OSGEPL1: variants seen among roughly 807,000 people sequenced by gnomAD.
The protein encoded by OSGEPL1 is O-sialoglycoprotein endopeptidase like 1.
A neutral mutation model predicts 37.2 loss-of-function variants in OSGEPL1; 26 were observed. That is an observed-to-expected ratio of 0.70 (90% CI 0.51 to 0.97). OSGEPL1 has a LOEUF of 0.97. Ranked by LOEUF, OSGEPL1 falls within the 50% of genes least tolerant of loss-of-function variation. The pLI is 0.00. For synonymous variants in OSGEPL1, 140 were observed against 159.9 expected, an observed-to-expected ratio of 0.88 and a Z score of 0.94; for missense variants, 404 against 487.0, an observed-to-expected ratio of 0.83 and a Z score of 1.60.
Position 189,752,405 on chromosome 2 carries a change from G to GAA in OSGEPL1, c.1166+246_1166+247dup, listed in dbSNP as rs1245170635. On this transcript the variant is annotated intron_variant, in intron 7 of 8. Coordinates refer to ENST00000264151, the MANE Select transcript of OSGEPL1 (RefSeq NM_022353.3). ...GTTTACATTCTAGTTCCAAAGGAGG[G>GAA]AATTCATCACCCTTACTCATGACCT... is the stretch of plus-strand genomic sequence containing the variant. Among the ~76,000 whole-genome samples, 8 of 152,266 alleles carry GAA rather than the reference G, an allele frequency of 5.3e-5. 1 individual carries two copies. In the East Asian group the frequency reaches 1.5e-3, roughly 29 times the overall value.
In OSGEPL1 at chr2:189,752,911, T is replaced by C. The variant is rs1310327021; in HGVS notation, c.1032A>G (p.Thr344=). 6.2e-7 allele frequency: 1 copy of C among 1,613,764 alleles called. No individual in the cohort carries two copies. The highest frequency in any genetic ancestry group is 1.1e-5 in the South Asian group (1 of 91,056). The change falls in exon 6 of 9, where the codon ACA becomes ACG. Residue 344 remains threonine (T), a synonymous_variant. Coordinates refer to ENST00000264151, the MANE Select transcript of OSGEPL1 (RefSeq NM_022353.3). Reference sequence around the variant, plus strand: ...GAGGAGGACACAACAAAGTGCACTGTGTTGCATTTGTTAAAATTTCCAGAG... The same window carrying C: ...GAGGAGGACACAACAAAGTGCACTGCGTTGCATTTGTTAAAATTTCCAGAG... The part of the protein sequence containing the change: ...RRALEILTNA[T]QCTLLCPPPR...
chr2:189,750,820 C>T (rs1348764604), intron 7 of OSGEPL1, among the ~76,000 whole-genome samples, 164 bp from the exon 8 acceptor site: 3 of 152,038 alleles, frequency 2.0e-5, no homozygotes, highest in African/African-American at 7.2e-5. Flanking sequence ...GACCTCAAGT[C>T]AGGATAATGA....
rs377276256 is a variant in OSGEPL1, at chr2:189,755,579, G to A, written c.222-19C>T. ...ACCTGTTCTGAAAGAAAGAAAGACA[G>A]CATTTTGTAGTTTTAAGATTGTAAA... On this transcript the variant is annotated intron_variant, in intron 2 of 8. Transcript: ENST00000264151. 13 of 1,571,112 alleles carry A rather than the reference G, an allele frequency of 8.3e-6. No homozygotes were observed. In the African/African-American group the frequency reaches 1.4e-4, roughly 17 times the overall value.
intron 2 of OSGEPL1, among the ~76,000 whole-genome samples, chr2:189,760,530 C>T (rs762629133): frequency 1.3e-5 from 2 of 152,284 alleles, no homozygotes; most frequent in Admixed American, 6.5e-5. Context: ...CGGTGTCTCA[C>T]GCCTGTAATC....
Position 189,746,812 on chromosome 2 carries a change from C to A in OSGEPL1, c.*385G>T, listed in dbSNP as rs1574810647. The A allele has an allele frequency of 1.6e-6, 1 of 610,558 alleles. No individual in the cohort carries two copies. The highest frequency in any genetic ancestry group is 2.5e-6 in the Non-Finnish European group (1 of 401,470). 37.8% of individuals were successfully genotyped at this position (610,558 alleles called of 1,614,324 possible). ...TAGTGTCAGGTCAGAGTTATGGTTTCAAAAAATTAGGATTTCTGTAAACAA... is the reference window on the plus strand; with the variant it reads ...TAGTGTCAGGTCAGAGTTATGGTTTAAAAAAATTAGGATTTCTGTAAACAA... On this transcript the variant is annotated 3_prime_UTR_variant, in exon 9 of 9. Transcript: ENST00000264151.
chr2:189,762,770 C>T lies in OSGEPL1; in HGVS notation c.-106G>A, dbSNP rs945290599. 1.0e-6 allele frequency: 1 copy of T among 985,380 alleles called. No homozygotes were observed. Among genetic ancestry groups the T allele is most frequent in the Admixed American group, 6.1e-5 (1 of 16,264 alleles). 61.0% of individuals were successfully genotyped at this position (985,380 alleles called of 1,614,324 possible). A position where few individuals can be genotyped will look rare whatever the true frequency, so the allele number is the denominator to read the frequency against. On this transcript the variant is annotated 5_prime_UTR_variant, in exon 1 of 9. Transcript: ENST00000264151. ...GCCCTTATCGCTGCAGGAGAAAGCC[C>T]GAACCTGGCGCCCGGAAGTGATGTC...
At chr2:189,753,884 T>C in intron 5 of OSGEPL1, 32 bp downstream of exon 5, 1 of 1,607,048 alleles carries the variant, frequency 6.2e-7, no homozygotes. Context: ...TTGCAAAGTG[T>C]AACTATTACT....
chr2:189,753,770 G>A, intron 5 of OSGEPL1, 146 bp downstream of exon 5: 1 of 854,228 alleles, frequency 1.2e-6, no homozygotes, highest in Non-Finnish European at 1.7e-6. Flanking sequence ...ATGGCTGTTA[G>A]TCTTTCCTAT....
At chr2:189,755,147 G>A in intron 3 of OSGEPL1, 26 bp downstream of exon 3, 1 of 1,589,542 alleles carries the variant, frequency 6.3e-7, no homozygotes, top group Non-Finnish European at 8.5e-7. Context: ...TAACAAAAAA[G>A]AATGGAGAAA....
intron 2 of OSGEPL1, among the ~76,000 whole-genome samples, chr2:189,759,453 T>C (rs187234610): frequency 1.4e-3 from 209 of 152,306 alleles, no homozygotes; most frequent in Non-Finnish European, 2.4e-3. Context: ...GGTTTCACCA[T>C]GTTAGCCAGG....
Position 189,761,620 on chromosome 2 carries a change from A to C in OSGEPL1, c.21T>G (p.Thr7=). 6.2e-7 allele frequency: 1 copy of C among 1,602,278 alleles called. No individual in the cohort carries two copies. The highest frequency in any genetic ancestry group is 8.5e-7 in the Non-Finnish European group (1 of 1,175,846). The change falls in exon 2 of 9, where the codon ACT becomes ACG. Residue 7 remains threonine (T), a synonymous_variant. Transcript: ENST00000264151. The stretch of plus-strand genomic sequence containing the variant: ...TTGATGGTTTAAAAAAAACTCCTGC[A>C]GTCTTAGTCAAGATTAGCATACTTA... MLILTK[T]AGVFFKPSKR... is the part of the protein sequence containing the mutation.
At chr2:189,749,404 T>C (rs1256099814) in intron 8 of OSGEPL1, among the ~76,000 whole-genome samples, 2 of 151,422 alleles carry the variant, frequency 1.3e-5, no homozygotes, top group African/African-American at 4.9e-5. Flanking sequence ...ATGCTGTCTA[T>C]AAAAATCGAA....
At chr2:189,749,905 T>C (rs1407987150) in intron 8 of OSGEPL1, among the ~76,000 whole-genome samples, 1 of 152,138 alleles carries the variant, frequency 6.6e-6, no homozygotes, top group Non-Finnish European at 1.5e-5. Context: ...GCAGATTGCC[T>C]GAGCTCAGGA....
chr2:189,761,573 A>G lies in OSGEPL1; in HGVS notation c.68T>C (p.Leu23Ser), dbSNP rs969784723. The G allele has an allele frequency of 1.2e-6, 2 of 1,610,708 alleles. No homozygotes were observed. Among genetic ancestry groups the G allele is most frequent in the East Asian group, 2.2e-5 (1 of 44,766 alleles). ...TCCAGGATGAAAATTAAAACTTCTT[A>G]AAAATTCATAAACTTTCCTTTTTGA... ...KPSKRKVYEF[L>S]RSFNFHPGTL... Residue 23 changes from leucine (L) to serine (S), a missense_variant, in exon 2 of 9, where the codon TTA becomes TCA. Coordinates refer to ENST00000264151, the MANE Select transcript of OSGEPL1 (RefSeq NM_022353.3).
intron 7 of OSGEPL1, among the ~76,000 whole-genome samples, chr2:189,752,253 G>A (rs374601416): frequency 4.6e-5 from 7 of 152,286 alleles, no homozygotes; most frequent in African/African-American, 1.7e-4. Context: ...TCAACTGCCT[G>A]TGTAAGAGCA....
intron 1 of OSGEPL1, chr2:189,762,407 G>A (rs1028755348): frequency 6.3e-5 from 12 of 190,336 alleles, no homozygotes; most frequent in African/African-American, 2.6e-4. Context: ...GCATCCCAGG[G>A]ATTAGAGATG....
At chr2:189,752,762 A>C (rs1191365021) in intron 6 of OSGEPL1, 38 bp from the exon 7 acceptor site, 1 of 1,613,516 alleles carries the variant, frequency 6.2e-7, no homozygotes, top group Non-Finnish European at 8.5e-7. Context: ...AATAGCTCCA[A>C]GATCTGAAGG....
At chr2:189,761,754 T>G (rs2047091249) in intron 1 of OSGEPL1, 94 bp from the exon 2 acceptor site, 14 of 1,336,164 alleles carry the variant, frequency 1.0e-5, no homozygotes, top group Non-Finnish European at 1.4e-5. Flanking sequence ...CAGGAAAGTT[T>G]GTAAAAGTCA....
At chr2:189,753,056 T>C in intron 5 of OSGEPL1, 77 bp from the exon 6 acceptor site, 1 of 1,326,036 alleles carries the variant, frequency 7.5e-7, no homozygotes, top group Middle Eastern at 2.0e-4. Flanking sequence ...TGGAGAAAAA[T>C]ATCAGCATTA....
Sources: gnomAD v4.1 joint callset for allele counts (sites outside exome capture counted in the v4.1 genomes callset) on GRCh38, gnomAD v4.1.1 for gene constraint, MANE v1.5 for transcripts, NCBI Gene and HGNC (gene_info 2026-07-23, HGNC 2026-07-21) for gene names.